Variants in TMCC1 observed in about 807,000 individuals in gnomAD.
TMCC1 encodes the protein transmembrane and coiled-coil domain family 1.
In TMCC1, 15 loss-of-function variants were observed where a neutral mutation model predicts 52.4. That is an observed-to-expected ratio of 0.29 (90% CI 0.19 to 0.44). TMCC1 has a LOEUF of 0.44. TMCC1 is among the 20% of genes least tolerant of loss of function. The pLI, the probability that TMCC1 is intolerant of heterozygous loss-of-function variation, is 1.00. For missense variants in TMCC1, 503 were observed against 806.0 expected, an observed-to-expected ratio of 0.62 and a Z score of 4.55; for synonymous variants, 279 against 301.9, an observed-to-expected ratio of 0.92 and a Z score of 0.79.
intron 4 of TMCC1, among the ~76,000 whole-genome samples, chr3:129,680,135 G>A (rs1348636735): frequency 1.3e-5 from 2 of 151,970 alleles, no homozygotes; most frequent in Non-Finnish European, 2.9e-5. Context: ...TAGTATTCTC[G>A]TTTTATTAAA....
intron 4 of TMCC1, among the ~76,000 whole-genome samples, chr3:129,710,922 T>G (rs915158935): frequency 3.3e-5 from 5 of 152,240 alleles, no homozygotes; most frequent in Non-Finnish European, 5.9e-5. Context: ...TGGAGTGCAG[T>G]GGCACAATCT....
At position 129,851,657 on chromosome 3, in the gene TMCC1, C is replaced by A. The variant is rs370923468; in HGVS notation, c.-183-18831G>T. On this transcript the variant is annotated intron_variant, in intron 2 of 6. Transcript: ENST00000393238. ...TTGATGGGAATGTAAAATGGTACAG[C>A]CACTGTGGAAAACAGTATGGTGGTT... Among the ~76,000 whole-genome samples the A allele has an allele frequency of 3.3e-5, 5 of 152,254 alleles. No homozygotes were observed. In the East Asian group the frequency reaches 7.7e-4, roughly 23 times the overall value.
At chr3:129,766,191 C>T (rs2054112181) in intron 4 of TMCC1, among the ~76,000 whole-genome samples, 2 of 152,164 alleles carry the variant, frequency 1.3e-5, no homozygotes, top group South Asian at 4.1e-4. Context: ...AAAAGCAAGT[C>T]AGAATAATTT....
intron 3 of TMCC1, among the ~76,000 whole-genome samples, chr3:129,829,115 A>G (rs1364840061): frequency 1.3e-5 from 2 of 152,248 alleles, no homozygotes; most frequent in Non-Finnish European, 2.9e-5. Context: ...AAAATCCTGT[A>G]AGTTGAATTC....
intron 2 of TMCC1, among the ~76,000 whole-genome samples, chr3:129,862,805 T>C (rs759232509): frequency 6.6e-6 from 1 of 152,196 alleles, no homozygotes; most frequent in Non-Finnish European, 1.5e-5. Flanking sequence ...CTTTCAGAAA[T>C]GTCTACGTGG....
chr3:129,711,557 A>G (rs1157634086), intron 4 of TMCC1, among the ~76,000 whole-genome samples: 2 of 152,112 alleles, frequency 1.3e-5, no homozygotes, highest in Non-Finnish European at 2.9e-5. Flanking sequence ...ATTTAAAGAA[A>G]TCCTAGGCCA....
intron 4 of TMCC1, among the ~76,000 whole-genome samples, chr3:129,771,880 G>T (rs1437054883): frequency 4.0e-5 from 6 of 150,886 alleles, no homozygotes; most frequent in Non-Finnish European, 5.9e-5. Flanking sequence ...GGAGAAACTA[G>T]TTAGAAAGCT....
intron 2 of TMCC1, among the ~76,000 whole-genome samples, chr3:129,859,639 AACACACACACAT>A (rs1243144769): frequency 9.2e-6 from 1 of 108,720 alleles, no homozygotes; most frequent in Non-Finnish European, 1.8e-5. Flanking sequence ...CCTGTCTCAA[AACACACACACAT>A]ACACACACAC....
At chr3:129,652,762 A>G (rs908853095) in intron 6 of TMCC1, among the ~76,000 whole-genome samples, 12 of 152,226 alleles carry the variant, frequency 7.9e-5, no homozygotes, top group Non-Finnish European at 1.6e-4. Context: ...GCCAGCTAAA[A>G]AATTCCTAAA....
At chr3:129,793,575 T>C (rs1344845180) in intron 4 of TMCC1, among the ~76,000 whole-genome samples, 1 of 152,216 alleles carries the variant, frequency 6.6e-6, no homozygotes, top group Non-Finnish European at 1.5e-5. Flanking sequence ...GCTCAACTCT[T>C]ACCACACCTC....
At chr3:129,830,269 T>A (rs1003652649) in intron 3 of TMCC1, among the ~76,000 whole-genome samples, 2 of 152,220 alleles carry the variant, frequency 1.3e-5, no homozygotes, top group African/African-American at 2.4e-5. Context: ...TGTCTTGGCC[T>A]CTGGTGTGGT....
chr3:129,862,345 A>T lies in TMCC1; in HGVS notation c.-184+17964T>A, dbSNP rs566090430. The stretch of plus-strand genomic sequence containing the variant: ...CTAAAAACCACTGAAAAGTACACTA[A>T]GAAAAATGAAGTTTAAGGTATATAA... On this transcript the variant is annotated intron_variant, in intron 2 of 6. Transcript: ENST00000393238. Among the ~76,000 whole-genome samples, 19 of 152,318 alleles carry T rather than the reference A, an allele frequency of 1.2e-4. No homozygotes were observed. In the East Asian group the frequency reaches 3.7e-3, roughly 29 times the overall value.
chr3:129,836,414 C>G lies in TMCC1; in HGVS notation c.-183-3588G>C, dbSNP rs78356459. Among the ~76,000 whole-genome samples the G allele has an allele frequency of 2.1e-3, 316 of 152,154 alleles. 6 individuals carry two copies. In the East Asian group the frequency reaches 0.056, roughly 27 times the overall value. On this transcript the variant is annotated intron_variant, in intron 2 of 6. Coordinates refer to ENST00000393238, the MANE Select transcript of TMCC1 (RefSeq NM_001017395.5). ...TAATTGCAAAATATACTCTTTCAAG[C>G]AGAAAGAGATCATTTACAAAAATTG...
At chr3:129,861,389 G>A (rs1310383548) in intron 2 of TMCC1, among the ~76,000 whole-genome samples, 2 of 151,996 alleles carry the variant, frequency 1.3e-5, no homozygotes, top group Non-Finnish European at 2.9e-5. Context: ...TCAGTGAGCC[G>A]AGATCGCACC....
chr3:129,875,356 G>A (rs1184245386), intron 2 of TMCC1, among the ~76,000 whole-genome samples: 1 of 151,582 alleles, frequency 6.6e-6, no homozygotes, highest in Admixed American at 6.6e-5. Context: ...GCTGGGTGAG[G>A]TAGCCGGCGC....
In TMCC1 at chr3:129,723,360, CTT is replaced by C. The variant is rs62761061; in HGVS notation, c.577-52098_577-52097del. On this transcript the variant is annotated intron_variant, in intron 4 of 6. Transcript: ENST00000393238. ...TAGCTGAGCACTAAGAAATCTTTTTCTTTTTTTTTTTTTTTTTTTGGCCACCT... is the reference window on the plus strand; with the variant it reads ...TAGCTGAGCACTAAGAAATCTTTTTCTTTTTTTTTTTTTTTTTGGCCACCT... 9.3e-3 allele frequency among the ~76,000 whole-genome samples: 977 copies of C among 105,602 alleles called. 5 individuals carry two copies. The highest frequency in any genetic ancestry group is 0.017 in the Middle Eastern group (3 of 180). The allele number at this position is 105,602 out of a possible 152,430, so 69.3% of individuals were successfully genotyped here. A position where few individuals can be genotyped will look rare whatever the true frequency, so the allele number is the denominator to read the frequency against.
intron 2 of TMCC1, among the ~76,000 whole-genome samples, chr3:129,837,759 C>T (rs1451426149): frequency 6.6e-6 from 1 of 152,006 alleles, no homozygotes; most frequent in Admixed American, 6.6e-5. Flanking sequence ...AGTAAAAACT[C>T]TAATGAAAGA....
intron 4 of TMCC1, among the ~76,000 whole-genome samples, chr3:129,675,921 C>T (rs1177842803): frequency 6.6e-6 from 1 of 151,466 alleles, no homozygotes; most frequent in African/African-American, 2.4e-5. Flanking sequence ...CCTGTAGTCC[C>T]AGCTACTCAG....
chr3:129,841,201 G>A (rs546357985), intron 2 of TMCC1, among the ~76,000 whole-genome samples: 2 of 152,330 alleles, frequency 1.3e-5, no homozygotes, highest in East Asian at 3.9e-4. Context: ...GAGATCTGCG[G>A]AACTTTGAAC....
Sources: gnomAD v4.1 joint callset for allele counts (sites outside exome capture counted in the v4.1 genomes callset) on GRCh38, gnomAD v4.1.1 for gene constraint, MANE v1.5 for transcripts, NCBI Gene and HGNC (gene_info 2026-07-23, HGNC 2026-07-21) for gene names.